The following MYO5B variants were observed in gnomAD, a reference collection of about 807,000 sequenced individuals.
MYO5B encodes the protein myosin VB.
Under a neutral mutation model 229.3 loss-of-function variants are expected in MYO5B, and 143 were observed. The observed-to-expected ratio is 0.62, with a 90% CI of 0.54 to 0.72. The LOEUF (loss-of-function observed/expected upper bound fraction) is 0.72, where lower values mean the gene tolerates loss of function less well. Among genes scored for constraint, MYO5B ranks in the 30% least tolerant of loss-of-function variants. The pLI, the probability that MYO5B is intolerant of heterozygous loss-of-function variation, is 0.00. For synonymous variants in MYO5B, 918 were observed against 885.2 expected, an observed-to-expected ratio of 1.04 and a Z score of -0.66; for missense variants, 2,321 against 2,331.0, an observed-to-expected ratio of 1.00 and a Z score of 0.09.
chr18:50,138,859 G>A (rs1010675326), intron 1 of MYO5B, among the ~76,000 whole-genome samples: 11 of 152,174 alleles, frequency 7.2e-5, no homozygotes, highest in Admixed American at 2.0e-4. Flanking sequence ...CTCAGCCTGG[G>A]CTGGCGATTC....
chr18:49,970,598 T>G (rs1317363343), intron 10 of MYO5B, among the ~76,000 whole-genome samples: 1 of 152,222 alleles, frequency 6.6e-6, no homozygotes, highest in Non-Finnish European at 1.5e-5. Context: ...GTGTATTCAC[T>G]CTGGCTGTGA....
rs576701640 is a variant in MYO5B at position 50,027,714 on chromosome 18, A to G, written c.455+9136T>C. ...ATGCACATTACAGGAATCTATGCAC[A>G]TTACAGGAATCTATCCAGATTACCA... is the stretch of plus-strand genomic sequence containing the variant. On this transcript the variant is annotated intron_variant, in intron 4 of 39. Coordinates refer to ENST00000285039, the MANE Select transcript of MYO5B (RefSeq NM_001080467.3). 4.6e-5 allele frequency among the ~76,000 whole-genome samples: 7 copies of G among 152,334 alleles called. No individual in the cohort carries two copies. The East Asian group carries it at 1.4e-3, about 29-fold the overall frequency.
rs2031144706 is a variant in MYO5B, at chr18:50,078,673, C to T, written c.28-23295G>A. On this transcript the variant is annotated intron_variant, in intron 1 of 39. Coordinates refer to ENST00000285039, the MANE Select transcript of MYO5B (RefSeq NM_001080467.3). Reference sequence around the variant, plus strand: ...GGTAAAACCATTTTGGAAAACTCTTCAGCAGTATCTGCTAAAGCTGAGCAT... The same window carrying T: ...GGTAAAACCATTTTGGAAAACTCTTTAGCAGTATCTGCTAAAGCTGAGCAT... Among the ~76,000 whole-genome samples, 2 of 152,174 alleles carry T rather than the reference C, an allele frequency of 1.3e-5. 1 individual carries two copies. Among genetic ancestry groups the T allele is most frequent in the African/African-American group, 4.8e-5 (2 of 41,440 alleles).
At chr18:50,088,338 C>T (rs2031375840) in intron 1 of MYO5B, among the ~76,000 whole-genome samples, 1 of 152,148 alleles carries the variant, frequency 6.6e-6, no homozygotes, top group African/African-American at 2.4e-5. Flanking sequence ...CTCCACATGA[C>T]AGGCATGTAT....
At chr18:49,877,315 T>C (rs1282089523) in intron 25 of MYO5B, among the ~76,000 whole-genome samples, 2 of 152,210 alleles carry the variant, frequency 1.3e-5, no homozygotes, top group African/African-American at 4.8e-5. Flanking sequence ...ATTCCAAATA[T>C]TTTTTGTTGT....
chr18:50,098,393 A>T (rs921648994), intron 1 of MYO5B, among the ~76,000 whole-genome samples: 1 of 152,228 alleles, frequency 6.6e-6, no homozygotes, highest in Admixed American at 6.5e-5. Flanking sequence ...CAATGAAGTT[A>T]TAACATTCAT....
At chr18:50,065,438 G>A (rs569196018) in intron 1 of MYO5B, among the ~76,000 whole-genome samples, 15 of 152,254 alleles carry the variant, frequency 9.9e-5, no homozygotes, top group South Asian at 4.2e-4. Context: ...CAATCATGGC[G>A]GAAGGCGAAG....
chr18:49,931,044 C>T (rs1275865576), intron 16 of MYO5B, among the ~76,000 whole-genome samples: 2 of 152,206 alleles, frequency 1.3e-5, no homozygotes, highest in African/African-American at 4.8e-5. Context: ...CCCACTCCAT[C>T]AGAAGGGACG....
At position 49,853,609 on chromosome 18, in the gene MYO5B, T is replaced by A. The variant is rs1475570754; in HGVS notation, c.4061A>T (p.His1354Leu). Residue 1354 changes from histidine (H) to leucine (L), a missense_variant, in exon 31 of 40, where the codon CAT becomes CTT. Coordinates refer to ENST00000285039, the MANE Select transcript of MYO5B (RefSeq NM_001080467.3). Reference sequence around the variant, plus strand: ...CTTGAGATGCTCCACCTCCTCCTCATGCTCCAGGCTCTGGGCCTGCAGCTG... The same window carrying A: ...CTTGAGATGCTCCACCTCCTCCTCAAGCTCCAGGCTCTGGGCCTGCAGCTG... The part of the protein sequence containing the change: ...EAQLQAQSLE[H>L]EEEVEHLKAQ... 1 of 1,613,814 alleles carries A rather than the reference T, an allele frequency of 6.2e-7. No individual in the cohort carries two copies. Among genetic ancestry groups the A allele is most frequent in the Non-Finnish European group, 8.5e-7 (1 of 1,180,028 alleles).
intron 17 of MYO5B, among the ~76,000 whole-genome samples, chr18:49,915,009 C>T (rs1024595692): frequency 6.6e-6 from 1 of 152,108 alleles, no homozygotes; most frequent in Non-Finnish European, 1.5e-5. Context: ...AGCTCCTTGT[C>T]TTTCCCCCTC....
intron 10 of MYO5B, among the ~76,000 whole-genome samples, chr18:49,965,002 A>C (rs576566035): frequency 9.2e-5 from 14 of 152,332 alleles, no homozygotes; most frequent in African/African-American, 3.4e-4. Flanking sequence ...CAAGTTAAGA[A>C]CTGACAACCT....
At chr18:50,194,272 T>C (rs2033268284) in intron 1 of MYO5B, among the ~76,000 whole-genome samples, 1 of 152,126 alleles carries the variant, frequency 6.6e-6, no homozygotes, top group East Asian at 1.9e-4. Context: ...GGTTCCCTGT[T>C]GTGGGTATGC....
intron 4 of MYO5B, among the ~76,000 whole-genome samples, chr18:50,023,466 C>T (rs1304841058): frequency 6.6e-6 from 1 of 152,178 alleles, no homozygotes; most frequent in African/African-American, 2.4e-5. Flanking sequence ...TCTATTAATG[C>T]GGCTCCAGAG....
At chr18:49,979,640 G>A (rs1215325602) in intron 9 of MYO5B, among the ~76,000 whole-genome samples, 1 of 152,190 alleles carries the variant, frequency 6.6e-6, no homozygotes, top group Non-Finnish European at 1.5e-5. Flanking sequence ...TATTTTTCCA[G>A]TGTCTGGTTA....
At chr18:50,044,573 C>A (rs774224600) in intron 2 of MYO5B, among the ~76,000 whole-genome samples, 3 of 152,086 alleles carry the variant, frequency 2.0e-5, no homozygotes, top group Non-Finnish European at 4.4e-5. Context: ...GCCTGACAAG[C>A]AGGACTAGAT....
intron 17 of MYO5B, among the ~76,000 whole-genome samples, chr18:49,914,106 G>C (rs1401107520): frequency 6.6e-6 from 1 of 152,124 alleles, no homozygotes; most frequent in Non-Finnish European, 1.5e-5. Flanking sequence ...GTACCAAGTG[G>C]GCACTGAGCT....
chr18:49,836,865 T>A lies in MYO5B; in HGVS notation c.5159A>T (p.Glu1720Val), dbSNP rs1205721096. The A allele has an allele frequency of 6.2e-7, 1 of 1,613,962 alleles. No individual in the cohort carries two copies. Among genetic ancestry groups the A allele is most frequent in the East Asian group, 2.2e-5 (1 of 44,894 alleles). ...MQLRYNISQL[E>V]EWLRGRNLHQ... ...AAGGTTTCTTCCCCGAAGCCACTCC[T>A]CAAGCTGACTTATATTGTACCTTAG... Residue 1720 changes from glutamate (E) to valine (V), a missense_variant, in exon 38 of 40, where the codon GAG (glutamate) becomes GTG (valine). Glu to Val is a moderately radical substitution (Grantham distance 121). Transcript: ENST00000285039.
intron 23 of MYO5B, among the ~76,000 whole-genome samples, chr18:49,879,724 A>T (rs140022521): frequency 3.9e-5 from 6 of 152,298 alleles, no homozygotes; most frequent in Admixed American, 2.0e-4. Flanking sequence ...CAGTGAGTTG[A>T]AGCAGAAACT....
intron 5 of MYO5B, among the ~76,000 whole-genome samples, chr18:49,993,445 T>G (rs114859189): frequency 3.3e-4 from 50 of 152,162 alleles, no homozygotes; most frequent in African/African-American, 1.2e-3. Flanking sequence ...GTCACAAAGT[T>G]GACCTAAAAC....
Sources: gnomAD v4.1 joint callset for allele counts (sites outside exome capture counted in the v4.1 genomes callset) on GRCh38, gnomAD v4.1.1 for gene constraint, MANE v1.5 for transcripts, NCBI Gene and HGNC (gene_info 2026-07-23, HGNC 2026-07-21) for gene names.